The following XKR9 variants were observed in gnomAD, a reference collection of about 807,000 sequenced individuals.
XKR9 encodes XK related 9.
In XKR9, 32 loss-of-function variants were observed where a neutral mutation model predicts 32.0. That is an observed-to-expected ratio of 1.00 (90% CI 0.76 to 1.34). The LOEUF (loss-of-function observed/expected upper bound fraction) is 1.34. Among genes scored for constraint, XKR9 ranks in the 40% most tolerant of loss-of-function variants. XKR9 has a pLI of 0.00. For synonymous variants in XKR9, 168 were observed against 143.4 expected, an observed-to-expected ratio of 1.17 and a Z score of -1.22; for missense variants, 546 against 429.7, an observed-to-expected ratio of 1.27 and a Z score of -2.39.
chr8:70,892,472 T>C, the XKR9 span, among the ~76,000 whole-genome samples: 3 of 152,120 alleles, frequency 2.0e-5, no homozygotes, highest in Non-Finnish European at 2.9e-5. Context: ...GTGATTATTA[T>C]TTTTTCACAT....
intron 2 of XKR9, among the ~76,000 whole-genome samples, chr8:70,756,880 G>T (rs1416052061): frequency 2.0e-5 from 3 of 151,996 alleles, no homozygotes; most frequent in Non-Finnish European, 4.4e-5. Flanking sequence ...TCAGTATAAG[G>T]TCAAATAGAA....
At chr8:70,902,704 C>T in the XKR9 span, among the ~76,000 whole-genome samples, 1 of 152,198 alleles carries the variant, frequency 6.6e-6, no homozygotes, top group Non-Finnish European at 1.5e-5. Flanking sequence ...CTGTCTTGTG[C>T]CAGTTTTCAA....
the XKR9 span, among the ~76,000 whole-genome samples, chr8:71,026,314 C>T: frequency 6.6e-6 from 1 of 152,094 alleles, no homozygotes; most frequent in Non-Finnish European, 1.5e-5. Flanking sequence ...GATTATTTTT[C>T]TTAAAAAGCT....
the XKR9 span, among the ~76,000 whole-genome samples, chr8:71,058,568 G>C: frequency 6.6e-6 from 1 of 152,218 alleles, no homozygotes; most frequent in African/African-American, 2.4e-5. Context: ...AAATTAGTGA[G>C]TGTAAGAACT....
chr8:70,822,315 G>C, the XKR9 span, among the ~76,000 whole-genome samples: 2 of 151,890 alleles, frequency 1.3e-5, no homozygotes, highest in African/African-American at 2.4e-5. Flanking sequence ...ATAGCTTTAG[G>C]GGTTTAATTA....
At chr8:70,944,365 G>A in the XKR9 span, among the ~76,000 whole-genome samples, 1 of 152,140 alleles carries the variant, frequency 6.6e-6, no homozygotes, top group East Asian at 1.9e-4. Context: ...ATCTCTGTGA[G>A]TCAAAAACAA....
the XKR9 span, among the ~76,000 whole-genome samples, chr8:70,912,692 T>C: frequency 4.6e-5 from 7 of 152,068 alleles, no homozygotes; most frequent in African/African-American, 7.2e-5. Flanking sequence ...GTCATTATAT[T>C]GACGATAGTT....
chr8:70,875,039 T>A, the XKR9 span, among the ~76,000 whole-genome samples: 1 of 152,198 alleles, frequency 6.6e-6, no homozygotes, highest in African/African-American at 2.4e-5. Flanking sequence ...AAAATCAGAT[T>A]TCTGTTACTA....
At chr8:70,900,536 C>T in the XKR9 span, among the ~76,000 whole-genome samples, 2 of 151,756 alleles carry the variant, frequency 1.3e-5, no homozygotes, top group Non-Finnish European at 2.9e-5. Context: ...TTGCAGTGAG[C>T]CGAGATCATG....
the XKR9 span, among the ~76,000 whole-genome samples, chr8:70,915,380 A>C: frequency 6.6e-6 from 1 of 152,076 alleles, no homozygotes; most frequent in Non-Finnish European, 1.5e-5. Context: ...GGCTATTATC[A>C]TCTTAGTTTC....
chr8:70,934,865 C>A, the XKR9 span, among the ~76,000 whole-genome samples: 2 of 151,632 alleles, frequency 1.3e-5, no homozygotes, highest in Non-Finnish European at 2.9e-5. Flanking sequence ...CTGCAGATGA[C>A]AAGAATAGAT....
intron 2 of XKR9, among the ~76,000 whole-genome samples, chr8:70,764,326 A>G (rs1328745785): frequency 1.3e-5 from 2 of 152,028 alleles, no homozygotes; most frequent in African/African-American, 4.8e-5. Context: ...AACCTCTTTT[A>G]CTCTCAACAT....
At chr8:71,022,943 G>GT in the XKR9 span, among the ~76,000 whole-genome samples, 136 of 146,150 alleles carry the variant, frequency 9.3e-4, 1 homozygote, top group African/African-American at 2.4e-3. Flanking sequence ...TTTCTGCTTT[G>GT]TTTTTTTTTA....
At chr8:70,898,260 T>G in the XKR9 span, among the ~76,000 whole-genome samples, 4 of 152,198 alleles carry the variant, frequency 2.6e-5, no homozygotes, top group Non-Finnish European at 4.4e-5. Flanking sequence ...GGTTCCCTAT[T>G]TTATTCCATT....
the XKR9 span, among the ~76,000 whole-genome samples, chr8:70,805,519 G>A: frequency 6.6e-6 from 1 of 152,190 alleles, no homozygotes; most frequent in Admixed American, 6.5e-5. Context: ...CCCTGGGTGG[G>A]GGAAGGGCGG....
At chr8:71,032,816 G>C in the XKR9 span, among the ~76,000 whole-genome samples, 1 of 152,154 alleles carries the variant, frequency 6.6e-6, no homozygotes. Context: ...TGGGTGCAGT[G>C]GCTCACGCCT....
the XKR9 span, among the ~76,000 whole-genome samples, chr8:70,860,042 G>A: frequency 6.0e-4 from 91 of 152,222 alleles, no homozygotes; most frequent in Non-Finnish European, 4.7e-4. Context: ...GATACCCTAA[G>A]TACCCTGACT....
intron 2 of XKR9, among the ~76,000 whole-genome samples, chr8:70,785,719 C>CTT (rs1491117424): frequency 1.5e-5 from 1 of 67,838 alleles, no homozygotes; most frequent in Non-Finnish European, 3.6e-5. Context: ...CTTTTTTTTG[C>CTT]TCTCTCTCTC....
At chr8:70,858,109 T>C in the XKR9 span, among the ~76,000 whole-genome samples, 1 of 152,192 alleles carries the variant, frequency 6.6e-6, no homozygotes, top group African/African-American at 2.4e-5. Context: ...TTGGAAGTTC[T>C]GGCTAGGGCA....
Sources: allele counts gnomAD v4.1 joint callset (sites outside exome capture counted in the v4.1 genomes callset), GRCh38; gene constraint gnomAD v4.1.1; transcripts MANE v1.5; gene names NCBI Gene and HGNC (gene_info 2026-07-23, HGNC 2026-07-21).